The following AXDND1 variants were observed in gnomAD, a reference collection of about 807,000 sequenced individuals.
AXDND1 encodes axonemal dynein light chain domain-containing protein 1.
A neutral mutation model predicts 137.5 loss-of-function variants in AXDND1; 110 were observed. That is an observed-to-expected ratio of 0.80 (90% CI 0.69 to 0.94). The LOEUF (loss-of-function observed/expected upper bound fraction) is 0.94. AXDND1 is among the 40% of genes least tolerant of loss of function. The pLI, the probability that AXDND1 is intolerant of heterozygous loss-of-function variation, is 0.00. For synonymous variants in AXDND1, 414 were observed against 399.7 expected, an observed-to-expected ratio of 1.04 and a Z score of -0.43; for missense variants, 1,191 against 1,169.8, an observed-to-expected ratio of 1.02 and a Z score of -0.26.
At chr1:179,456,980 T>G in intron 16 of AXDND1, 1 of 1,561,894 alleles carries the variant, frequency 6.4e-7, no homozygotes, top group Non-Finnish European at 8.7e-7. Context: ...TCTTAGGTGA[T>G]GTTCTTCAGT....
At chr1:179,434,548 A>C (rs1657858069) in intron 15 of AXDND1, among the ~76,000 whole-genome samples, 1 of 152,216 alleles carries the variant, frequency 6.6e-6, no homozygotes, top group Non-Finnish European at 1.5e-5. Context: ...GTGATTCAAC[A>C]TACACAAATC....
intron 25 of AXDND1, among the ~76,000 whole-genome samples, chr1:179,535,225 T>C (rs990634064): frequency 6.6e-6 from 1 of 152,124 alleles, no homozygotes; most frequent in Admixed American, 6.5e-5. Context: ...AGGTTTTTTT[T>C]TTCTTTTTTT....
intron 17 of AXDND1, among the ~76,000 whole-genome samples, chr1:179,472,152 C>T (rs1664022513): frequency 6.6e-6 from 1 of 152,232 alleles, no homozygotes; most frequent in Non-Finnish European, 1.5e-5. Context: ...ACCTTGACCT[C>T]CCAAAGTGTT....
intron 25 of AXDND1, among the ~76,000 whole-genome samples, chr1:179,550,336 C>T (rs1353014204): frequency 6.6e-6 from 1 of 151,846 alleles, no homozygotes; most frequent in South Asian, 2.1e-4. Flanking sequence ...TATAAGAAAA[C>T]AATATGTCAG....
At chr1:179,535,117 A>G (rs1671410115) in intron 25 of AXDND1, 155 bp downstream of exon 25, 9 of 1,149,338 alleles carry the variant, frequency 7.8e-6, no homozygotes, top group East Asian at 2.5e-5. Flanking sequence ...TCACATAACC[A>G]TCTTATTCGG....
chr1:179,380,004 C>T (rs1010236694), intron 6 of AXDND1, among the ~76,000 whole-genome samples: 1 of 151,938 alleles, frequency 6.6e-6, no homozygotes, highest in Non-Finnish European at 1.5e-5. Flanking sequence ...AATCCCAGCA[C>T]TTTGGGAGGC....
At chr1:179,380,272 GAA>G (rs1282326984) in intron 6 of AXDND1, among the ~76,000 whole-genome samples, 1 of 150,136 alleles carries the variant, frequency 6.7e-6, no homozygotes, top group African/African-American at 2.4e-5. Context: ...ATAAATGAAA[GAA>G]AAAGATACAA....
chr1:179,484,009 G>A (rs1350296386), intron 18 of AXDND1, among the ~76,000 whole-genome samples: 1 of 152,182 alleles, frequency 6.6e-6, no homozygotes, highest in African/African-American at 2.4e-5. Context: ...CATTGAGGGT[G>A]GACAGAGGGA....
chr1:179,445,306 A>G (rs570717613), intron 16 of AXDND1, 102 bp downstream of exon 16: 2 of 936,910 alleles, frequency 2.1e-6, no homozygotes, highest in Admixed American at 3.2e-5. Context: ...ATAAATCCAT[A>G]TAGTTTTAAA....
chr1:179,505,430 A>G (rs1434553122), intron 20 of AXDND1, among the ~76,000 whole-genome samples: 1 of 152,176 alleles, frequency 6.6e-6, no homozygotes, highest in Non-Finnish European at 1.5e-5. Flanking sequence ...AGGCAAGCAG[A>G]TCACCTGAGG....
At chr1:179,430,185 C>T (rs1657161009) in intron 13 of AXDND1, among the ~76,000 whole-genome samples, 2 of 151,922 alleles carry the variant, frequency 1.3e-5, no homozygotes, top group South Asian at 4.2e-4. Flanking sequence ...CTGTCTAGCA[C>T]ACCACACTGC....
intron 22 of AXDND1, among the ~76,000 whole-genome samples, chr1:179,527,503 C>T (rs547850321): frequency 6.6e-6 from 1 of 152,232 alleles, no homozygotes. Context: ...ACGTCTCTGA[C>T]AGTATACTCA....
At chr1:179,545,544 C>T (rs1167687966) in intron 25 of AXDND1, 2 of 151,042 alleles carry the variant, frequency 1.3e-5, no homozygotes, top group Non-Finnish European at 2.9e-5. Context: ...GCTGTTGGCT[C>T]ATAATTACAG....
Position 179,368,922 on chromosome 1 carries a change from G to T in AXDND1, c.220G>T (p.Gly74Cys). The change falls in exon 3 of 26, where the codon GGT becomes TGT. Residue 74 changes from glycine (G) to cysteine (C), a missense_variant. Gly to Cys is a radical substitution (Grantham distance 159). Transcript: ENST00000367618. ...TTCTCTGACCTATGCGGCCAATGCTGGTCCTTGTCCTGAAAACTTACTACC... is the reference window on the plus strand; with the variant it reads ...TTCTCTGACCTATGCGGCCAATGCTTGTCCTTGTCCTGAAAACTTACTACC... ...LLSLTYAANAGPCPENLLPPK... is the reference protein window; with the variant it reads ...LLSLTYAANACPCPENLLPPK... 1 of 1,613,902 alleles carries T rather than the reference G, an allele frequency of 6.2e-7. No homozygotes were observed. Among genetic ancestry groups the T allele is most frequent in the Middle Eastern group, 1.6e-4 (1 of 6,062 alleles).
At chr1:179,504,485 A>G (rs958249920) in intron 20 of AXDND1, among the ~76,000 whole-genome samples, 4 of 152,214 alleles carry the variant, frequency 2.6e-5, no homozygotes, top group African/African-American at 9.6e-5. Context: ...AGATAAAGGT[A>G]ATCTGGAATG....
chr1:179,411,859 T>TA (rs1456086837), intron 12 of AXDND1, among the ~76,000 whole-genome samples: 2 of 134,822 alleles, frequency 1.5e-5, no homozygotes, highest in South Asian at 2.6e-4. Context: ...CTTTTTTTTT[T>TA]AAAAAAACAG....
Position 179,522,878 on chromosome 1 carries a change from A to G in AXDND1, c.2497-2456A>G, listed in dbSNP as rs901045317. On this transcript the variant is annotated intron_variant, in intron 21 of 25. Coordinates refer to ENST00000367618, the MANE Select transcript of AXDND1 (RefSeq NM_144696.6). ...TTTTCTATACTGTACACATATTTCT[A>G]TAGCATAATTTAACATTGCTATAAA... Among the ~76,000 whole-genome samples the G allele has an allele frequency of 4.2e-5, 5 of 119,568 alleles. No homozygotes were observed. The Admixed American group carries it at 4.8e-4, about 11-fold the overall frequency. 78.4% of individuals were successfully genotyped at this position (119,568 alleles called of 152,430 possible). A position where few individuals can be genotyped will look rare whatever the true frequency, so the allele number is the denominator to read the frequency against.
chr1:179,456,500 G>A, intron 16 of AXDND1: 1 of 771,002 alleles, frequency 1.3e-6, no homozygotes, highest in South Asian at 1.3e-5. Flanking sequence ...TCCCACCATA[G>A]CCACTGCCCT....
At chr1:179,383,311 C>G in intron 7 of AXDND1, 131 bp from the exon 8 acceptor site, 2 of 670,776 alleles carry the variant, frequency 3.0e-6, no homozygotes, top group Non-Finnish European at 5.1e-6. Context: ...AGACACAGGT[C>G]TAATGCTTAA....
Sources: allele counts gnomAD v4.1 joint callset (sites outside exome capture counted in the v4.1 genomes callset), GRCh38; gene constraint gnomAD v4.1.1; transcripts MANE v1.5; gene names NCBI Gene and HGNC (gene_info 2026-07-23, HGNC 2026-07-21).